Variants in EIF2B3 observed in about 807,000 individuals in gnomAD.
The protein encoded by EIF2B3 is eukaryotic translation initiation factor 2B subunit gamma.
In EIF2B3, 20 loss-of-function variants were observed where a neutral mutation model predicts 54.1. The observed-to-expected ratio is 0.37, with a 90% CI of 0.26 to 0.54. The LOEUF is 0.54. Among genes scored for constraint, EIF2B3 ranks in the 20% least tolerant of loss-of-function variants. The pLI, the probability that EIF2B3 is intolerant of heterozygous loss-of-function variation, is 0.86. For missense variants in EIF2B3, 448 were observed against 547.8 expected (o/e 0.82, Z 1.82); for synonymous variants, 153 against 188.1 (o/e 0.81, Z 1.52).
Position 44,936,306 on chromosome 1 carries a change from G to A in EIF2B3, c.454+5200C>T, listed in dbSNP as rs1366114544. 5.3e-5 allele frequency among the ~76,000 whole-genome samples: 8 copies of A among 151,944 alleles called. No individual in the cohort carries two copies. The East Asian group carries it at 1.5e-3, about 29-fold the overall frequency. On this transcript the variant is annotated intron_variant, in intron 4 of 11. Transcript: ENST00000360403. ...TAGAAAAGTTACATGTGGGCTGGGC[G>A]CAGTAGCTCATGGCTGTAATCCTAG...
At chr1:44,872,065 C>T (rs1009064516) in intron 10 of EIF2B3, among the ~76,000 whole-genome samples, 4 of 152,046 alleles carry the variant, frequency 2.6e-5, no homozygotes, top group Non-Finnish European at 5.9e-5. Context: ...CAGGCTCTCA[C>T]TCTGTTACCC....
At chr1:44,984,520 A>G (rs1300801187) in intron 1 of EIF2B3, among the ~76,000 whole-genome samples, 1 of 152,172 alleles carries the variant, frequency 6.6e-6, no homozygotes, top group African/African-American at 2.4e-5. Context: ...TGACACTCAT[A>G]GGTGTGATCA....
intron 3 of EIF2B3, among the ~76,000 whole-genome samples, chr1:44,975,373 G>T (rs185229528): frequency 1.5e-3 from 225 of 152,108 alleles, no homozygotes; most frequent in African/African-American, 5.1e-3. Flanking sequence ...TGATTTCGTT[G>T]TGCGAACATC....
intron 6 of EIF2B3, among the ~76,000 whole-genome samples, chr1:44,895,680 CT>C (rs926677735): frequency 1.3e-5 from 2 of 151,922 alleles, no homozygotes; most frequent in Non-Finnish European, 2.9e-5. Context: ...ATCAAAATGC[CT>C]TGCTTTAAAA....
At chr1:44,928,666 G>A (rs2148933577) in intron 4 of EIF2B3, among the ~76,000 whole-genome samples, 1 of 152,156 alleles carries the variant, frequency 6.6e-6, no homozygotes, top group South Asian at 2.1e-4. Flanking sequence ...GTGTGAAGAG[G>A]TCTTGGTAGA....
chr1:44,891,861 T>C (rs1457190774), intron 6 of EIF2B3, among the ~76,000 whole-genome samples: 2 of 152,162 alleles, frequency 1.3e-5, no homozygotes, highest in Non-Finnish European at 2.9e-5. Context: ...TCATTTCAAG[T>C]TCTTATAGCA....
At chr1:44,890,451 T>C (rs1053654963) in intron 6 of EIF2B3, among the ~76,000 whole-genome samples, 6 of 152,154 alleles carry the variant, frequency 3.9e-5, no homozygotes, top group African/African-American at 1.4e-4. Flanking sequence ...TAAAATATTT[T>C]GAAAAAAATA....
At chr1:44,967,036 G>C (rs1056648270) in intron 3 of EIF2B3, among the ~76,000 whole-genome samples, 6 of 151,768 alleles carry the variant, frequency 4.0e-5, no homozygotes, top group Non-Finnish European at 8.8e-5. Context: ...GGATGGTCTC[G>C]ATCTCTTGAC....
intron 7 of EIF2B3, among the ~76,000 whole-genome samples, chr1:44,880,575 G>A (rs527912072): frequency 7.4e-4 from 113 of 152,278 alleles, no homozygotes; most frequent in East Asian, 1.3e-3. Flanking sequence ...CAGAGTACCA[G>A]GGCTCTAGTT....
At chr1:44,891,972 C>G (rs931167658) in intron 6 of EIF2B3, among the ~76,000 whole-genome samples, 2 of 152,148 alleles carry the variant, frequency 1.3e-5, no homozygotes, top group African/African-American at 4.8e-5. Context: ...CTCCTGAGTT[C>G]AGCCCATCCT....
chr1:44,979,508 A>G (rs1340813072), intron 2 of EIF2B3, among the ~76,000 whole-genome samples: 4 of 150,586 alleles, frequency 2.7e-5, no homozygotes, highest in African/African-American at 9.8e-5. Flanking sequence ...GAGGAAAGAA[A>G]AATTATCCAG....
At chr1:44,909,253 G>A (rs1201624669) in intron 5 of EIF2B3, among the ~76,000 whole-genome samples, 1 of 152,058 alleles carries the variant, frequency 6.6e-6, no homozygotes, top group Non-Finnish European at 1.5e-5. Context: ...TCTGGGTAAA[G>A]ATGGCAGATT....
At chr1:44,975,111 G>A (rs1295802645) in intron 3 of EIF2B3, among the ~76,000 whole-genome samples, 1 of 152,094 alleles carries the variant, frequency 6.6e-6, no homozygotes, top group Non-Finnish European at 1.5e-5. Flanking sequence ...CCATCTACTT[G>A]AGAGGCTGAT....
intron 3 of EIF2B3, among the ~76,000 whole-genome samples, chr1:44,953,827 A>G (rs1348574269): frequency 1.3e-5 from 2 of 152,198 alleles, no homozygotes; most frequent in African/African-American, 4.8e-5. Flanking sequence ...CAGCATTTAC[A>G]ACAGGCATGT....
intron 4 of EIF2B3, among the ~76,000 whole-genome samples, chr1:44,937,883 C>CA (rs34363661): frequency 0.01 from 350 of 33,544 alleles, 78 homozygotes; most frequent in Non-Finnish European, 0.014. Context: ...GACTCCGTCT[C>CA]AAAAAAAAAA....
chr1:44,880,753 G>T (rs917017761), intron 7 of EIF2B3, among the ~76,000 whole-genome samples: 3 of 152,124 alleles, frequency 2.0e-5, no homozygotes, highest in Non-Finnish European at 4.4e-5. Flanking sequence ...ATGAGGTCAG[G>T]AGATCGATAC....
In EIF2B3 at chr1:44,919,794, G is replaced by A. The variant is rs527367683; in HGVS notation, c.566+6834C>T. On this transcript the variant is annotated intron_variant, in intron 5 of 11. Transcript: ENST00000360403. ...TGCAGTGGTGCAATCTCGGCTCACC[G>A]CAATCTCCACCTCCCGGGTTCAAGC... 3.7e-5 allele frequency among the ~76,000 whole-genome samples: 5 copies of A among 135,328 alleles called. No individual in the cohort carries two copies. The South Asian group carries it at 1.2e-3, about 33-fold the overall frequency. 88.8% of individuals were successfully genotyped at this position (135,328 alleles called of 152,430 possible). A position where few individuals can be genotyped will look rare whatever the true frequency, so the allele number is the denominator to read the frequency against.
At position 44,865,216 on chromosome 1, in the gene EIF2B3, T is replaced by TAAAAAAAA. The variant is rs57763807; in HGVS notation, c.1203-7417_1203-7410dup. Among the ~76,000 whole-genome samples, 14 of 140,102 alleles carry TAAAAAAAA rather than the reference T, an allele frequency of 1.0e-4. 1 individual carries two copies. The highest frequency in any genetic ancestry group is 2.1e-4 in the East Asian group (1 of 4,794). The allele number at this position is 140,102 out of a possible 152,430, so 91.9% of individuals were successfully genotyped here. On this transcript the variant is annotated intron_variant, in intron 10 of 11. Transcript: ENST00000360403. ...TGGGCAACAGAGCGAGACTCCATCT[T>TAAAAAAAA]AAAAAAAAAAAAAGAAATGTGTGAA...
Position 44,905,135 on chromosome 1 carries a change from A to G in EIF2B3, c.567-7691T>C, listed in dbSNP as rs540943965. On this transcript the variant is annotated intron_variant, in intron 5 of 11. Coordinates refer to ENST00000360403, the MANE Select transcript of EIF2B3 (RefSeq NM_020365.5). ...ACACTGTAAGTGGTAGGAATAACAG[A>G]TTCTCGATTGTTAGGAGTGCATATG... Among the ~76,000 whole-genome samples, 17 of 152,288 alleles carry G rather than the reference A, an allele frequency of 1.1e-4. 1 individual carries two copies. The highest frequency in any genetic ancestry group is 4.1e-4 in the African/African-American group (17 of 41,570).
Sources: allele counts gnomAD v4.1 joint callset (sites outside exome capture counted in the v4.1 genomes callset), GRCh38; gene constraint gnomAD v4.1.1; transcripts MANE v1.5; gene names NCBI Gene and HGNC (gene_info 2026-07-23, HGNC 2026-07-21).